Variants in SUMF1 observed in about 807,000 individuals in gnomAD.
The protein encoded by SUMF1 is sulfatase modifying factor 1.
Under a neutral mutation model 47.6 loss-of-function variants are expected in SUMF1, and 48 were observed. The ratio of observed to expected loss-of-function variants is 1.01; its 90% CI spans 0.80 to 1.28. The LOEUF (loss-of-function observed/expected upper bound fraction) is 1.28, where lower values mean the gene tolerates loss of function less well. SUMF1 is among the 50% of genes most tolerant of loss of function. The probability of loss-of-function intolerance (pLI) is 0.00; values close to 1 mark genes in which losing one functional copy is unlikely to be tolerated. For synonymous variants in SUMF1, 230 were observed against 192.1 expected (o/e 1.20, Z -1.63); for missense variants, 571 against 485.4 (o/e 1.18, Z -1.66).
chr3:4,155,191 G>C (rs566265967), intron 8 of SUMF1, among the ~76,000 whole-genome samples: 2 of 151,410 alleles, frequency 1.3e-5, no homozygotes, highest in Non-Finnish European at 2.9e-5. Context: ...ACCCCTGCAG[G>C]CCAGTCCTAT....
intron 8 of SUMF1, among the ~76,000 whole-genome samples, chr3:4,205,641 G>A (rs554168673): frequency 2.6e-5 from 4 of 152,260 alleles, no homozygotes; most frequent in African/African-American, 9.6e-5. Context: ...TCTGCTTTGG[G>A]GGCAACCCAA....
intron 8 of SUMF1, among the ~76,000 whole-genome samples, chr3:4,204,928 C>T (rs1298162817): frequency 1.3e-5 from 2 of 152,038 alleles, no homozygotes; most frequent in African/African-American, 4.8e-5. Flanking sequence ...CTCAAAACAG[C>T]TATTTTGAAT....
At chr3:4,318,770 T>C (rs1303315259) in intron 8 of SUMF1, among the ~76,000 whole-genome samples, 1 of 152,124 alleles carries the variant, frequency 6.6e-6, no homozygotes, top group Non-Finnish European at 1.5e-5. Context: ...AAGCTGGGCA[T>C]AGTGGCACAC....
At chr3:4,158,354 C>G (rs1248461510) in intron 8 of SUMF1, among the ~76,000 whole-genome samples, 1 of 151,104 alleles carries the variant, frequency 6.6e-6, no homozygotes, top group African/African-American at 2.5e-5. Context: ...TGAATGTTTG[C>G]TTGTTTTGTG....
chr3:4,220,165 G>GT (rs1397521350), intron 8 of SUMF1, among the ~76,000 whole-genome samples: 1 of 152,108 alleles, frequency 6.6e-6, no homozygotes, highest in Non-Finnish European at 1.5e-5. Flanking sequence ...TTAGACATTA[G>GT]TAAGAGGCCA....
rs1574848821 is a variant in SUMF1, at chr3:4,057,506, A to G, written c.1191+11063T>C. Among the ~76,000 whole-genome samples the G allele has an allele frequency of 2.6e-5, 4 of 152,320 alleles. No individual in the cohort carries two copies. The South Asian group carries it at 8.3e-4, about 32-fold the overall frequency. On this transcript the variant is annotated intron_variant and NMD_transcript_variant, in intron 9 of 12. Coordinates refer to the SUMF1 transcript ENST00000448413. ...GAAAGAACATAGAGAAACAAGTTCA[A>G]GTCCCACCTTCACAATTTACAACTG...
intron 9 of SUMF1, among the ~76,000 whole-genome samples, chr3:4,051,992 A>G (rs1559428965): frequency 1.3e-5 from 2 of 152,098 alleles, no homozygotes; most frequent in East Asian, 3.9e-4. Flanking sequence ...TCTCTGTCTT[A>G]CTCTATCTTC....
At chr3:4,072,746 C>A (rs1262436884) in intron 8 of SUMF1, among the ~76,000 whole-genome samples, 1 of 151,732 alleles carries the variant, frequency 6.6e-6, no homozygotes, top group Non-Finnish European at 1.5e-5. Flanking sequence ...GATTGAAGGT[C>A]AAATTGATGA....
intron 9 of SUMF1, among the ~76,000 whole-genome samples, chr3:4,065,714 G>GCATTCATTATCTC: frequency 6.6e-6 from 1 of 152,158 alleles, no homozygotes; most frequent in East Asian, 1.9e-4. Context: ...TGAGTGATTT[G>GCATTCATTATCTC]CATTCATTAT....
chr3:4,153,210 T>C (rs1694377526), intron 8 of SUMF1, among the ~76,000 whole-genome samples: 1 of 151,222 alleles, frequency 6.6e-6, no homozygotes, highest in African/African-American at 2.5e-5. Context: ...TACTTGAGGA[T>C]TTTCTTTTTT....
At chr3:4,202,036 A>T (rs1358318173) in intron 8 of SUMF1, among the ~76,000 whole-genome samples, 2 of 151,600 alleles carry the variant, frequency 1.3e-5, no homozygotes, top group Non-Finnish European at 3.0e-5. Flanking sequence ...TTGCAAATAT[A>T]CTCCCATTCT....
intron 9 of SUMF1, among the ~76,000 whole-genome samples, chr3:4,036,769 AT>A (rs1167474972): frequency 2.0e-5 from 3 of 150,052 alleles, no homozygotes; most frequent in Non-Finnish European, 4.4e-5. Flanking sequence ...TTTGCTTTAA[AT>A]TTTTTTTCTA....
At chr3:4,073,021 G>T (rs1692318254) in intron 8 of SUMF1, among the ~76,000 whole-genome samples, 1 of 152,102 alleles carries the variant, frequency 6.6e-6, no homozygotes, top group Admixed American at 6.6e-5. Flanking sequence ...GCAACCCAAA[G>T]AGACAAAACC....
intron 8 of SUMF1, among the ~76,000 whole-genome samples, chr3:4,082,075 C>A (rs1352284774): frequency 1.3e-5 from 2 of 152,090 alleles, no homozygotes; most frequent in South Asian, 2.1e-4. Context: ...ATTGATCAAG[C>A]ACATATGGGA....
In SUMF1 at chr3:4,449,326, G is replaced by A. The variant is rs148557574; in HGVS notation, c.459C>T (p.Gly153=). 63 of 1,613,940 alleles carry A rather than the reference G, an allele frequency of 3.9e-5. No individual in the cohort carries two copies. Among genetic ancestry groups the A allele is most frequent in the South Asian group, 1.6e-4 (15 of 91,082 alleles). Residue 153 remains glycine, a synonymous_variant, in exon 3 of 9, where the codon GGC becomes GGT. Transcript: ENST00000272902. ...ACATGCCTTCAAAGACAAAGGAGTC[G>A]CCAAACTTCTCAGCCTATAAGGAAG... The part of the protein sequence containing the change: ...TGYLTEAEKF[G]DSFVFEGMLS...
At chr3:4,177,104 C>A (rs1175414632) in intron 8 of SUMF1, among the ~76,000 whole-genome samples, 1 of 152,018 alleles carries the variant, frequency 6.6e-6, no homozygotes, top group African/African-American at 2.4e-5. Context: ...ACTTTAATAC[C>A]CCACTGTCAA....
At position 4,362,167 on chromosome 3, in the gene SUMF1, C is replaced by A. The variant is rs781069134; in HGVS notation, c.1102G>T (p.Asp368Tyr). The change falls in exon 9 of 9, where the codon GAC (aspartate) becomes TAC (tyrosine). Residue 368 changes from aspartate to tyrosine, a missense_variant. Physicochemically the swap from Asp to Tyr is radical, Grantham distance 160 (BLOSUM62 -3). Transcript: ENST00000272902. ...ASNLGFRCAA[D>Y]RLPTMD ...TGTCAGTCCATAGTGGGCAGGCGGTCGGCTGCACAGCGGAATCCCAGATTC... is the reference window on the plus strand; with the variant it reads ...TGTCAGTCCATAGTGGGCAGGCGGTAGGCTGCACAGCGGAATCCCAGATTC... The A allele has an allele frequency of 6.2e-7, 1 of 1,614,124 alleles. No individual in the cohort carries two copies. The highest frequency in any genetic ancestry group is 1.3e-5 in the African/African-American group (1 of 75,056).
At chr3:4,096,308 G>A (rs572367764) in intron 8 of SUMF1, among the ~76,000 whole-genome samples, 1 of 152,192 alleles carries the variant, frequency 6.6e-6, no homozygotes, top group African/African-American at 2.4e-5. Context: ...CCATATCTAA[G>A]GGTCTTTCTC....
In SUMF1 at chr3:4,167,657, C is replaced by A. The variant is rs140461973; in HGVS notation, c.1015-98912G>T. On this transcript the variant is annotated intron_variant and NMD_transcript_variant, in intron 8 of 12. Coordinates refer to the SUMF1 transcript ENST00000448413. ...AAAAGTTCTCCAAGTCCCCACTCGACCCAGGAAGTCCGGCTGGCTCTTCAC... is the reference window on the plus strand; with the variant it reads ...AAAAGTTCTCCAAGTCCCCACTCGAACCAGGAAGTCCGGCTGGCTCTTCAC... Among the ~76,000 whole-genome samples the A allele has an allele frequency of 2.3e-3, 345 of 152,270 alleles. 2 individuals are homozygous for A. The highest frequency in any genetic ancestry group is 7.7e-3 in the African/African-American group (320 of 41,524).
Sources: gnomAD v4.1 joint callset for allele counts (sites outside exome capture counted in the v4.1 genomes callset) on GRCh38, gnomAD v4.1.1 for gene constraint, MANE v1.5 for transcripts, NCBI Gene and HGNC (gene_info 2026-07-23, HGNC 2026-07-21) for gene names.